Variants in NLRP9 observed in about 807,000 individuals in gnomAD.
NLRP9 encodes NACHT, LRR and PYD domains-containing protein 9.
NLRP9 carries 88 observed loss-of-function variants against 83.1 expected under a neutral mutation model. The observed-to-expected ratio is 1.06, with a 90% CI of 0.89 to 1.26. The LOEUF (loss-of-function observed/expected upper bound fraction) is 1.26, where lower values mean the gene tolerates loss of function less well. NLRP9 is among the 50% of genes most tolerant of loss of function. The pLI is 0.00. For synonymous variants in NLRP9, 521 were observed against 447.6 expected (o/e 1.16, Z -2.07); for missense variants, 1,308 against 1,179.3 (o/e 1.11, Z -1.60).
chr19:55,715,094 GCA>G lies in NLRP9; in HGVS notation c.2460_2461del (p.Ala821SerfsTer25), dbSNP rs768975959. ...GCTGCAGCCTGGGTGCTTCAGCGCT[GCA>G]CACAGAGATGCCACTCCATTATCTT... On this transcript the variant is annotated frameshift_variant, in exon 6 of 9. Transcript: ENST00000332836. LOFTEE classifies it high-confidence loss of function. 1.9e-6 allele frequency: 3 copies of G among 1,612,932 alleles called. No individual in the cohort carries two copies. Among genetic ancestry groups the G allele is most frequent in the Non-Finnish European group, 2.5e-6 (3 of 1,179,836 alleles).
Position 55,738,154 on chromosome 19 carries a change from T to C in NLRP9, c.221A>G (p.Asn74Ser). 1 of 1,614,132 alleles carries C rather than the reference T, an allele frequency of 6.2e-7. No individual in the cohort carries two copies. The highest frequency in any genetic ancestry group is 8.5e-7 in the Non-Finnish European group (1 of 1,180,000). The change falls in exon 1 of 9, where the codon AAC becomes AGC. Residue 74 changes from asparagine to serine, a missense_variant. Transcript: ENST00000332836. ...PGKQAWEVTL[N>S]LFLQINRKDL... Reference sequence around the variant, plus strand: ...TTTCCTATTGATCTGTAGAAACAGGTTCAGTGTTACCTCCCATGCCTGCTT... The same window carrying C: ...TTTCCTATTGATCTGTAGAAACAGGCTCAGTGTTACCTCCCATGCCTGCTT...
At chr19:55,726,428 G>A (rs1988405803) in intron 3 of NLRP9, among the ~76,000 whole-genome samples, 1 of 152,260 alleles carries the variant, frequency 6.6e-6, no homozygotes, top group African/African-American at 2.4e-5. Context: ...GAATAAAGAA[G>A]CAGAAGCCTG....
intron 4 of NLRP9, among the ~76,000 whole-genome samples, chr19:55,719,012 A>T (rs1988133031): frequency 2.6e-5 from 4 of 152,094 alleles, no homozygotes; most frequent in Admixed American, 2.6e-4. Flanking sequence ...TCATTTATTA[A>T]ATTAGGTGAG....
intron 4 of NLRP9, 122 bp from the exon 5 acceptor site, chr19:55,717,020 A>G: frequency 1.6e-6 from 1 of 622,124 alleles, no homozygotes; most frequent in Non-Finnish European, 2.7e-6. Context: ...TATCTACACT[A>G]CAGACTCTTT....
chr19:55,715,629 A>C (rs946962102), intron 5 of NLRP9, among the ~76,000 whole-genome samples: 4 of 152,196 alleles, frequency 2.6e-5, no homozygotes, highest in African/African-American at 7.2e-5. Context: ...GGTTGCTGTG[A>C]GCTGAGATCG....
rs141502486 is a variant in NLRP9, at chr19:55,724,002, T to C, written c.2137A>G (p.Met713Val). 6,243 of 1,613,862 alleles carry C rather than the reference T, an allele frequency of 3.9e-3. 19 individuals carry two copies. The highest frequency in any genetic ancestry group is 3.8e-3 in the Non-Finnish European group (4,458 of 1,179,878). ...TACATCAGCTCTTCTATCTTGCACA[T>C]TGGATGTTTCAGCGTCTCACACAGG... ...RHLCETLKHPMCKIEELILGK... is the reference protein window; with the variant it reads ...RHLCETLKHPVCKIEELILGK... The change falls in exon 4 of 9, where the codon ATG becomes GTG. Residue 713 changes from methionine (M) to valine (V), a missense_variant. Met to Val is a conservative substitution (Grantham distance 21). Transcript: ENST00000332836.
chr19:55,736,697 G>C (rs1047313402), intron 1 of NLRP9, among the ~76,000 whole-genome samples: 6 of 152,020 alleles, frequency 3.9e-5, no homozygotes, highest in Non-Finnish European at 7.4e-5. Flanking sequence ...AGCTGGGCGT[G>C]GTGGTGCATG....
intron 4 of NLRP9, 84 bp from the exon 5 acceptor site, chr19:55,716,982 G>T: frequency 2.9e-6 from 3 of 1,016,968 alleles, no homozygotes; most frequent in Non-Finnish European, 4.5e-6. Flanking sequence ...CGACACCTCT[G>T]ATTCTAGTCT....
At chr19:55,713,915 G>T (rs1987908345) in intron 6 of NLRP9, among the ~76,000 whole-genome samples, 1 of 102,826 alleles carries the variant, frequency 9.7e-6, no homozygotes, top group South Asian at 3.9e-4. Context: ...TCTAGTGGCT[G>T]AGAACCAGGG....
In NLRP9 at chr19:55,713,327, G is replaced by A. The variant is rs181112846; in HGVS notation, c.2502-737C>T. The stretch of plus-strand genomic sequence containing the variant: ...GAAAAATGGTAGATAGAGGACAGAG[G>A]ATAGGGGACAGATGAATAGTTAATA... On this transcript the variant is annotated intron_variant, in intron 6 of 8. Coordinates refer to ENST00000332836, the MANE Select transcript of NLRP9 (RefSeq NM_176820.4). Among the ~76,000 whole-genome samples the A allele has an allele frequency of 2.3e-3, 343 of 151,832 alleles. 2 individuals are homozygous for A. The highest frequency in any genetic ancestry group is 8.1e-3 in the African/African-American group (335 of 41,382).
intron 8 of NLRP9, 33 bp from the exon 9 acceptor site, chr19:55,709,077 T>TG (rs1987584849): frequency 6.6e-7 from 1 of 1,508,432 alleles, no homozygotes; most frequent in African/African-American, 1.4e-5. Flanking sequence ...TTTTTTTTTG[T>TG]TTTTCATTTT....
chr19:55,715,749 TAC>T (rs1424386940), intron 5 of NLRP9, among the ~76,000 whole-genome samples: 2 of 149,558 alleles, frequency 1.3e-5, no homozygotes, highest in African/African-American at 4.9e-5. Flanking sequence ...GAATGTGGAA[TAC>T]AGTGTCCCAA....
Position 55,711,807 on chromosome 19 carries a change from T to C in NLRP9, c.2836A>G (p.Met946Val). The C allele has an allele frequency of 6.2e-7, 1 of 1,613,058 alleles. No homozygotes were observed. The highest frequency in any genetic ancestry group is 2.2e-5 in the East Asian group (1 of 44,872). Residue 946 changes from methionine (M) to valine (V), a missense_variant, in exon 8 of 9, where the codon ATG (methionine) becomes GTG (valine). Met to Val is a conservative substitution (Grantham distance 21). Coordinates refer to ENST00000332836, the MANE Select transcript of NLRP9 (RefSeq NM_176820.4). ...GAAACAGTGTCCACTCACCCCAGCATCTGCAGGGCACAGTCCGGGTGGCTC... is the reference window on the plus strand; with the variant it reads ...GAAACAGTGTCCACTCACCCCAGCACCTGCAGGGCACAGTCCGGGTGGCTC... The part of the protein sequence containing the change: ...ALSHPDCALQ[M>V]LGLHKSGFDE...
Position 55,724,148 on chromosome 19 carries a change from C to T in NLRP9, c.1995-4G>A, listed in dbSNP as rs760794961. ...TCCAAAGTACACAGAAGTAAATCTGCAAAAGATTAAAAAAAAAATAGCATC... is the reference window on the plus strand; with the variant it reads ...TCCAAAGTACACAGAAGTAAATCTGTAAAAGATTAAAAAAAAAATAGCATC... On this transcript the variant is annotated splice_region_variant and splice_polypyrimidine_tract_variant and intron_variant, in intron 3 of 8. Coordinates refer to ENST00000332836, the MANE Select transcript of NLRP9 (RefSeq NM_176820.4). The T allele has an allele frequency of 6.3e-7, 1 of 1,589,408 alleles. No individual in the cohort carries two copies. The highest frequency in any genetic ancestry group is 8.6e-7 in the Non-Finnish European group (1 of 1,166,936).
chr19:55,712,494 A>G lies in NLRP9; in HGVS notation c.2598T>C (p.Asn866=). Residue 866 remains asparagine (N), a synonymous_variant, in exon 7 of 9, where the codon AAT becomes AAC. Coordinates refer to ENST00000332836, the MANE Select transcript of NLRP9 (RefSeq NM_176820.4). ...GTCTGACACCAGTGTCTCCTATTTC[A>G]TTATGCCCAAGTTTCAGGGTCTTCA... ...GKLKTLKLGH[N]EIGDTGVRQL... is the part of the protein sequence containing the mutation. 6.2e-7 allele frequency: 1 copy of G among 1,612,764 alleles called. No homozygotes were observed. The highest frequency in any genetic ancestry group is 8.5e-7 in the Non-Finnish European group (1 of 1,179,794).
At chr19:55,737,914 C>A (rs1245908540) in intron 1 of NLRP9, among the ~76,000 whole-genome samples, 181 bp downstream of exon 1, 1 of 152,016 alleles carries the variant, frequency 6.6e-6, no homozygotes, top group Non-Finnish European at 1.5e-5. Context: ...CGCCATCTGT[C>A]CCCAGTTCAT....
At chr19:55,712,039 C>G (rs1048827764) in intron 7 of NLRP9, 69 bp from the exon 8 acceptor site, 2 of 1,488,154 alleles carry the variant, frequency 1.3e-6, no homozygotes, top group African/African-American at 2.8e-5. Context: ...GCCATTGTTA[C>G]TTGCTAATTA....
chr19:55,711,536 T>G, intron 8 of NLRP9: 1 of 1,188,922 alleles, frequency 8.4e-7, no homozygotes, highest in Non-Finnish European at 1.2e-6. Flanking sequence ...TCCGAGGGAC[T>G]TCTGACAATT....
At position 55,712,540 on chromosome 19, in the gene NLRP9, A is replaced by G. The variant is rs1482432307; in HGVS notation, c.2552T>C (p.Val851Ala). The change falls in exon 7 of 9, where the codon GTT becomes GCT. Residue 851 changes from valine (V) to alanine (A), a missense_variant. By Grantham distance (64) the Val-to-Ala change is moderately conservative. Transcript: ENST00000332836. ...CTTCAGTTTCCCATTGCAAATAAGA[A>G]CAGCAGCAATGTCCTTACAGGAATC... is the stretch of plus-strand genomic sequence containing the variant. ...TSDSCKDIAA[V>A]LICNGKLKTL... is the part of the protein sequence containing the mutation. 2.5e-6 allele frequency: 4 copies of G among 1,612,706 alleles called. No homozygotes were observed. Among genetic ancestry groups the G allele is most frequent in the Admixed American group, 3.3e-5 (2 of 59,968 alleles).
Sources: gnomAD v4.1 joint callset for allele counts (sites outside exome capture counted in the v4.1 genomes callset) on GRCh38, gnomAD v4.1.1 for gene constraint, MANE v1.5 for transcripts, NCBI Gene and HGNC (gene_info 2026-07-23, HGNC 2026-07-21) for gene names.